VAV3: variants seen among roughly 807,000 people sequenced by gnomAD.
VAV3 encodes vav guanine nucleotide exchange factor 3.
A neutral mutation model predicts 131.2 loss-of-function variants in VAV3; 94 were observed. The ratio of observed to expected loss-of-function variants is 0.72; its 90% CI spans 0.61 to 0.85. The LOEUF is 0.85. Among genes scored for constraint, VAV3 ranks in the 40% least tolerant of loss-of-function variants. VAV3 has a pLI of 0.00. For missense variants in VAV3, 939 were observed against 1,002.7 expected (o/e 0.94, Z 0.86); for synonymous variants, 349 against 342.0 (o/e 1.02, Z -0.22).
intron 2 of VAV3, among the ~76,000 whole-genome samples, chr1:107,867,362 T>C (rs555101538): frequency 1.3e-5 from 2 of 152,268 alleles, no homozygotes; most frequent in Admixed American, 1.3e-4. Context: ...GCTCGGGTAC[T>C]AAAGTTCTAT....
intron 25 of VAV3, among the ~76,000 whole-genome samples, chr1:107,580,731 T>C (rs1649981937): frequency 6.6e-6 from 1 of 152,208 alleles, no homozygotes; most frequent in Non-Finnish European, 1.5e-5. Context: ...GAGTAAAAGA[T>C]AACATGTTTC....
intron 15 of VAV3, among the ~76,000 whole-genome samples, chr1:107,713,049 T>C: frequency 6.6e-6 from 1 of 152,308 alleles, no homozygotes; most frequent in African/African-American, 2.4e-5. Flanking sequence ...CACATTTTTA[T>C]AACAATATAA....
At chr1:107,640,402 A>T (rs1197399559) in intron 20 of VAV3, among the ~76,000 whole-genome samples, 1 of 152,154 alleles carries the variant, frequency 6.6e-6, no homozygotes, top group East Asian at 1.9e-4. Context: ...TCAAATTCTA[A>T]AAAAATACAA....
chr1:107,646,576 ATG>A (rs1280660667), intron 19 of VAV3, among the ~76,000 whole-genome samples: 6 of 152,084 alleles, frequency 3.9e-5, no homozygotes, highest in Admixed American at 3.9e-4. Context: ...CTCCTGCCAG[ATG>A]TTTAATTATT....
chr1:107,951,668 T>C (rs968306626), intron 1 of VAV3, among the ~76,000 whole-genome samples: 18 of 151,132 alleles, frequency 1.2e-4, no homozygotes, highest in African/African-American at 4.4e-4. Flanking sequence ...AAAACATGAG[T>C]AGACAATTCT....
At chr1:107,815,515 G>C (rs1433420939) in intron 2 of VAV3, among the ~76,000 whole-genome samples, 1 of 152,188 alleles carries the variant, frequency 6.6e-6, no homozygotes, top group Non-Finnish European at 1.5e-5. Context: ...CCCTTGCAGA[G>C]ATTCTGTAAA....
At chr1:107,801,053 G>A (rs1666805891) in intron 2 of VAV3, among the ~76,000 whole-genome samples, 1 of 151,990 alleles carries the variant, frequency 6.6e-6, no homozygotes, top group Non-Finnish European at 1.5e-5. Flanking sequence ...AGTTTTCCCA[G>A]TACTACTTAT....
intron 4 of VAV3, among the ~76,000 whole-genome samples, chr1:107,774,666 T>C (rs1242189697): frequency 6.6e-6 from 1 of 152,170 alleles, no homozygotes. Flanking sequence ...AAGGACACTG[T>C]ACAGTGTAGC....
At chr1:107,962,168 TAGAC>T (rs1053007562) in intron 1 of VAV3, among the ~76,000 whole-genome samples, 16 of 152,318 alleles carry the variant, frequency 1.1e-4, no homozygotes, top group African/African-American at 3.1e-4. Flanking sequence ...AGAATCTAAG[TAGAC>T]AGAACGACTC....
At chr1:107,661,980 A>G (rs1398422644) in intron 19 of VAV3, among the ~76,000 whole-genome samples, 1 of 152,224 alleles carries the variant, frequency 6.6e-6, no homozygotes, top group Non-Finnish European at 1.5e-5. Context: ...ATTATTACTT[A>G]GATTTTCAAG....
chr1:107,664,790 G>A (rs1445385308), intron 19 of VAV3, among the ~76,000 whole-genome samples: 1 of 152,094 alleles, frequency 6.6e-6, no homozygotes, highest in Non-Finnish European at 1.5e-5. Flanking sequence ...TAGGATTCTT[G>A]GAAGAGGGAA....
chr1:107,776,249 T>C (rs1462770944), intron 4 of VAV3, among the ~76,000 whole-genome samples: 5 of 152,218 alleles, frequency 3.3e-5, no homozygotes, highest in South Asian at 2.1e-4. Context: ...GTACCTACTA[T>C]ATGCCAGACA....
chr1:107,902,526 G>A (rs1303821632), intron 1 of VAV3, among the ~76,000 whole-genome samples: 1 of 152,158 alleles, frequency 6.6e-6, no homozygotes, highest in Non-Finnish European at 1.5e-5. Context: ...AGTACCGCTA[G>A]ATAGTCTTAT....
intron 2 of VAV3, among the ~76,000 whole-genome samples, chr1:107,831,756 T>A (rs1479659661): frequency 6.6e-6 from 1 of 152,250 alleles, no homozygotes; most frequent in East Asian, 1.9e-4. Context: ...CCCAGCATCA[T>A]GCTAGTATAT....
At chr1:107,843,537 G>GTGTGTGTA (rs560794972) in intron 2 of VAV3, among the ~76,000 whole-genome samples, 3 of 147,544 alleles carry the variant, frequency 2.0e-5, no homozygotes, top group African/African-American at 7.4e-5. Context: ...GTGTGTGTGT[G>GTGTGTGTA]TATATATATA....
intron 17 of VAV3, among the ~76,000 whole-genome samples, chr1:107,697,981 G>A (rs1044802265): frequency 6.6e-6 from 1 of 152,158 alleles, no homozygotes; most frequent in Non-Finnish European, 1.5e-5. Flanking sequence ...CATGTAACTG[G>A]TAGCAGAGCC....
rs185011972 is a variant in VAV3 at position 107,953,115 on chromosome 1, G to A, written c.204+11551C>T. On this transcript the variant is annotated intron_variant, in intron 1 of 26. Transcript: ENST00000370056. ...ATCCACTGAATTTGGCAGCAGGAAC[G>A]GGAAACTTCACCGAATCTGGAATTA... Among the ~76,000 whole-genome samples the A allele has an allele frequency of 9.3e-4, 142 of 152,230 alleles. 1 individual carries two copies. The highest frequency in any genetic ancestry group is 6.8e-3 in the Middle Eastern group (2 of 294).
intron 1 of VAV3, among the ~76,000 whole-genome samples, chr1:107,911,072 A>C (rs1392790270): frequency 6.6e-6 from 1 of 152,140 alleles, no homozygotes; most frequent in Non-Finnish European, 1.5e-5. Context: ...ATAAAATGTT[A>C]CTCAATTGCT....
intron 2 of VAV3, among the ~76,000 whole-genome samples, chr1:107,786,922 C>T (rs1403669683): frequency 6.6e-6 from 1 of 152,090 alleles, no homozygotes; most frequent in African/African-American, 2.4e-5. Flanking sequence ...TTATAGATCC[C>T]TTTGAGAGTA....
Sources: allele counts gnomAD v4.1 joint callset (sites outside exome capture counted in the v4.1 genomes callset), GRCh38; gene constraint gnomAD v4.1.1; transcripts MANE v1.5; gene names NCBI Gene and HGNC (gene_info 2026-07-23, HGNC 2026-07-21).